Variants in PIEZO2 observed in about 807,000 individuals in gnomAD.
The protein encoded by PIEZO2 is piezo-type mechanosensitive ion channel component 2.
PIEZO2 carries 172 observed loss-of-function variants against 337.3 expected under a neutral mutation model. That is an observed-to-expected ratio of 0.51 (90% CI 0.45 to 0.58). PIEZO2 has a LOEUF of 0.58. Among genes scored for constraint, PIEZO2 ranks in the 20% least tolerant of loss-of-function variants. The pLI is 0.00. For missense variants in PIEZO2, 3,028 were observed against 3,391.3 expected (o/e 0.89, Z 2.66); for synonymous variants, 1,251 against 1,228.5 (o/e 1.02, Z -0.38).
At chr18:10,820,779 T>G (rs1166093554) in intron 7 of PIEZO2, among the ~76,000 whole-genome samples, 1 of 152,208 alleles carries the variant, frequency 6.6e-6, no homozygotes, top group Non-Finnish European at 1.5e-5. Context: ...GGAAGTTAAG[T>G]TACTTGCATC....
Position 10,816,463 on chromosome 18 carries a change from AC to A in PIEZO2, c.918-9190del, listed in dbSNP as rs2040366602. Reference sequence around the variant, plus strand: ...AATAATTTTGCAATATGTAACTGAAACTATCAATCAGGAATGTTTGACTGAA... The same window carrying A: ...AATAATTTTGCAATATGTAACTGAAATATCAATCAGGAATGTTTGACTGAA... On this transcript the variant is annotated intron_variant, in intron 7 of 55. Transcript: ENST00000674853. 2.6e-5 allele frequency among the ~76,000 whole-genome samples: 4 copies of A among 152,332 alleles called. No homozygotes were observed. The South Asian group carries it at 8.3e-4, about 32-fold the overall frequency.
intron 33 of PIEZO2, 69 bp from the exon 34 acceptor site, chr18:10,736,779 A>C (rs1180194693): frequency 6.8e-7 from 1 of 1,473,156 alleles, no homozygotes; most frequent in African/African-American, 1.4e-5. Flanking sequence ...TATTAATGAA[A>C]TGTCCCCTAA....
At chr18:10,975,944 A>G (rs180964407) in intron 3 of PIEZO2, among the ~76,000 whole-genome samples, 45 of 152,302 alleles carry the variant, frequency 3.0e-4, no homozygotes, top group African/African-American at 1.0e-3. Context: ...TTTTATTTGA[A>G]CTTTTGCTAT....
chr18:10,949,983 G>A (rs2033217217), intron 3 of PIEZO2, among the ~76,000 whole-genome samples: 1 of 152,204 alleles, frequency 6.6e-6, no homozygotes. Context: ...GAATAAGATT[G>A]AGGCAGTAAT....
chr18:11,149,113 G>A lies in PIEZO2; in HGVS notation c.-525C>T, dbSNP rs2040886725. On this transcript the variant is annotated 5_prime_UTR_variant, in exon 1 of 56. Transcript: ENST00000674853. The surrounding 1 kb of genome is among the most constrained non-coding windows in gnomAD (Gnocchi z 8.7). ...CTCGTCTCCGCTGCCCACGCAGGCTGCCGCGCTCTGGCCTCGGCCCCGGCT... is the reference window on the plus strand; with the variant it reads ...CTCGTCTCCGCTGCCCACGCAGGCTACCGCGCTCTGGCCTCGGCCCCGGCT... 6.6e-6 allele frequency among the ~76,000 whole-genome samples: 1 copy of A among 152,124 alleles called. No homozygotes were observed. The highest frequency in any genetic ancestry group is 6.5e-5 in the Admixed American group (1 of 15,286).
chr18:10,689,982 C>A lies in PIEZO2; in HGVS notation c.7350-180G>T, dbSNP rs2277861. 0.26 allele frequency among the ~76,000 whole-genome samples: 38,936 copies of A among 152,190 alleles called. 5,907 individuals are homozygous for A. Among genetic ancestry groups the A allele is most frequent in the Non-Finnish European group, 0.35 (23,982 of 67,990 alleles). Reference sequence around the variant, plus strand: ...AACTGCTTTTCATTATAAGTCGAATCTATGGATTTGTATTTTTTCATTCTT... The same window carrying A: ...AACTGCTTTTCATTATAAGTCGAATATATGGATTTGTATTTTTTCATTCTT... On this transcript the variant is annotated intron_variant, in intron 48 of 55. Transcript: ENST00000674853.
rs1301644702 is a variant in PIEZO2, at chr18:10,815,962, T to A, written c.918-8688A>T. ...ACACGTCAGTGGAGTGGAAACATCA[T>A]CAGTGCAATAAAAACTCCCATTTGG... On this transcript the variant is annotated intron_variant, in intron 7 of 55. Coordinates refer to ENST00000674853, the MANE Select transcript of PIEZO2 (RefSeq NM_001378183.1). This position sits in a 1 kb window ranked among gnomAD's most constrained non-coding sequence, Gnocchi z 4.1. Among the ~76,000 whole-genome samples the A allele has an allele frequency of 6.6e-6, 1 of 152,076 alleles. No homozygotes were observed. The highest frequency in any genetic ancestry group is 1.5e-5 in the Non-Finnish European group (1 of 68,014).
chr18:10,684,009 C>T (rs1351181457), intron 49 of PIEZO2, among the ~76,000 whole-genome samples: 3 of 151,946 alleles, frequency 2.0e-5, no homozygotes, highest in Non-Finnish European at 4.4e-5. Context: ...CCAATTTTCC[C>T]CTCCTCTCGA....
intron 5 of PIEZO2, among the ~76,000 whole-genome samples, chr18:10,860,263 G>A (rs2041839348): frequency 6.6e-6 from 1 of 152,150 alleles, no homozygotes; most frequent in African/African-American, 2.4e-5. Context: ...CCCTCCTCGA[G>A]GTGCTGCTGC....
At chr18:10,994,944 G>T (rs2035253810) in intron 2 of PIEZO2, among the ~76,000 whole-genome samples, 1 of 151,674 alleles carries the variant, frequency 6.6e-6, no homozygotes, top group South Asian at 2.1e-4. Flanking sequence ...GTGATGGCAG[G>T]TGCCTTAGTC....
At position 11,126,559 on chromosome 18, in the gene PIEZO2, CT is replaced by C. The variant is rs2040189320; in HGVS notation, c.64+21965del. Among the ~76,000 whole-genome samples the C allele has an allele frequency of 6.6e-6, 1 of 152,032 alleles. No homozygotes were observed. Among genetic ancestry groups the C allele is most frequent in the Non-Finnish European group, 1.5e-5 (1 of 68,018 alleles). On this transcript the variant is annotated intron_variant, in intron 1 of 55. Transcript: ENST00000674853. The surrounding 1 kb of genome is among the most constrained non-coding windows in gnomAD (Gnocchi z 4.6). The stretch of plus-strand genomic sequence containing the variant: ...GAATACCATCAGCAATTTTTTTACT[CT>C]GAGAACTACAGAGAAGCTGAACTAT...
In PIEZO2 at chr18:10,892,497, G is replaced by A. The variant is rs892169950; in HGVS notation, c.329+18689C>T. Among the ~76,000 whole-genome samples, 4 of 152,266 alleles carry A rather than the reference G, an allele frequency of 2.6e-5. No homozygotes were observed. In the East Asian group the frequency reaches 7.7e-4, roughly 29 times the overall value. On this transcript the variant is annotated intron_variant, in intron 4 of 55. Transcript: ENST00000674853. ...GGGAAGAGGTGGGAGGTTGACTGCC[G>A]AGGGCAGGAGACTCTTTTTGGGGAT...
intron 2 of PIEZO2, among the ~76,000 whole-genome samples, chr18:11,046,784 C>T (rs937637810): frequency 1.3e-5 from 2 of 152,240 alleles, no homozygotes; most frequent in Non-Finnish European, 2.9e-5. Context: ...CAGGCCAGGA[C>T]TTGACAGATA....
At chr18:10,838,080 C>G (rs1429755616) in intron 7 of PIEZO2, among the ~76,000 whole-genome samples, 1 of 152,112 alleles carries the variant, frequency 6.6e-6, no homozygotes, top group Admixed American at 6.6e-5. Flanking sequence ...ACAAGCGTCT[C>G]TGTGGGAAAA....
At chr18:10,990,609 T>C (rs913765121) in intron 2 of PIEZO2, among the ~76,000 whole-genome samples, 12 of 151,962 alleles carry the variant, frequency 7.9e-5, no homozygotes, top group Non-Finnish European at 1.6e-4. Flanking sequence ...TTATTATACA[T>C]CTGTAGATTT....
At chr18:11,022,988 G>A (rs1386334169) in intron 2 of PIEZO2, among the ~76,000 whole-genome samples, 1 of 151,994 alleles carries the variant, frequency 6.6e-6, no homozygotes, top group Non-Finnish European at 1.5e-5. Flanking sequence ...CAGTTCTTAA[G>A]GCGGGGAGTC....
intron 4 of PIEZO2, among the ~76,000 whole-genome samples, chr18:10,889,671 G>A (rs1364515627): frequency 6.6e-6 from 1 of 152,178 alleles, no homozygotes; most frequent in Non-Finnish European, 1.5e-5. Flanking sequence ...GTGTGACCTG[G>A]AAGGTACAGG....
chr18:10,742,389 G>T, intron 32 of PIEZO2, 105 bp downstream of exon 32: 1 of 1,291,502 alleles, frequency 7.7e-7, no homozygotes, highest in Non-Finnish European at 1.1e-6. Context: ...AAAGTGTATC[G>T]ATAATCTTGG....
chr18:10,963,430 T>A (rs1344977671), intron 3 of PIEZO2, among the ~76,000 whole-genome samples: 2 of 152,208 alleles, frequency 1.3e-5, no homozygotes, highest in East Asian at 3.8e-4. Flanking sequence ...TCTCACCAAA[T>A]ACATATCACA....
Sources: allele counts gnomAD v4.1 joint callset (sites outside exome capture counted in the v4.1 genomes callset), GRCh38; gene constraint gnomAD v4.1.1; non-coding constraint Gnocchi (gnomAD v3.1); transcripts MANE v1.5; gene names NCBI Gene and HGNC (gene_info 2026-07-23, HGNC 2026-07-21).